The following DOCK7 variants were observed in gnomAD, a reference collection of about 807,000 sequenced individuals.
DOCK7 encodes the protein dedicator of cytokinesis 7.
In DOCK7, 138 loss-of-function variants were observed where a neutral mutation model predicts 271.0. The observed-to-expected ratio is 0.51, with a 90% confidence interval of 0.44 to 0.59. The LOEUF (loss-of-function observed/expected upper bound fraction) is 0.59. DOCK7 is among the 20% of genes least tolerant of loss of function. DOCK7 has a pLI of 0.00. For synonymous variants in DOCK7, 823 were observed against 876.1 expected, an observed-to-expected ratio of 0.94 and a Z score of 1.07; for missense variants, 2,066 against 2,592.4, an observed-to-expected ratio of 0.80 and a Z score of 4.41.
At chr1:62,670,798 G>A (rs796196207) in intron 1 of DOCK7, among the ~76,000 whole-genome samples, 5 of 152,248 alleles carry the variant, frequency 3.3e-5, no homozygotes, top group South Asian at 2.1e-4. Context: ...ATGTGGGTGG[G>A]GCCAGATAAG....
chr1:62,610,141 G>A (rs527266316), intron 14 of DOCK7, among the ~76,000 whole-genome samples: 21 of 152,176 alleles, frequency 1.4e-4, no homozygotes, highest in African/African-American at 4.3e-4. Context: ...GAGCCCCCGC[G>A]CCCAGCCGAC....
chr1:62,539,595 C>T lies in DOCK7; in HGVS notation c.3250G>A (p.Val1084Ile), dbSNP rs758986234. The change falls in exon 27 of 50, where the codon GTT (valine) becomes ATT (isoleucine). Residue 1084 changes from valine to isoleucine, a missense_variant. By Grantham distance (29) the Val-to-Ile change is conservative (BLOSUM62 3). Coordinates refer to ENST00000635253, the MANE Select transcript of DOCK7 (RefSeq NM_001367561.1). ...CTAAAAACAAATCCTCTGTCCATAA[C>T]AGACAACAGATCATTGAGAAAGAAT... ...LAFFLNDLLS[V>I]MDRGFVFSLI... 173 of 1,613,836 alleles carry T rather than the reference C, an allele frequency of 1.1e-4. No homozygotes were observed. Among genetic ancestry groups the T allele is most frequent in the Non-Finnish European group, 1.3e-4 (157 of 1,179,940 alleles).
intron 19 of DOCK7, among the ~76,000 whole-genome samples, 184 bp from the exon 20 acceptor site, chr1:62,559,404 C>T (rs1646249491): frequency 1.3e-5 from 2 of 151,898 alleles, no homozygotes; most frequent in South Asian, 4.2e-4. Context: ...ATGATCACTT[C>T]AAATACTATT....
At chr1:62,594,377 C>A (rs1648910537) in intron 14 of DOCK7, among the ~76,000 whole-genome samples, 1 of 142,804 alleles carries the variant, frequency 7.0e-6, no homozygotes, top group African/African-American at 2.7e-5. Context: ...AAGAATTATA[C>A]AGATATTTAT....
At chr1:62,487,366 T>C (rs772209492) in intron 43 of DOCK7, 32 bp downstream of exon 43, 2 of 1,600,098 alleles carry the variant, frequency 1.2e-6, no homozygotes, top group Middle Eastern at 1.7e-4. Context: ...ATCAATCTAT[T>C]AGTGTCTTTA....
chr1:62,622,862 G>A (rs144279829), intron 12 of DOCK7, among the ~76,000 whole-genome samples: 2,371 of 152,150 alleles, frequency 0.016, 64 homozygotes, highest in African/African-American at 0.054. Context: ...CCCAGGAGGC[G>A]GAGCTTACAG....
intron 37 of DOCK7, among the ~76,000 whole-genome samples, chr1:62,502,194 G>A (rs1203927274): frequency 6.6e-6 from 1 of 151,878 alleles, no homozygotes; most frequent in Non-Finnish European, 1.5e-5. Flanking sequence ...TTTGTAGAAT[G>A]AACTAATAAA....
At position 62,477,781 on chromosome 1, in the gene DOCK7, C is replaced by T. The variant is rs969249089; in HGVS notation, c.5553G>A (p.Lys1851=). Residue 1851 remains lysine (K), a synonymous_variant, in exon 44 of 50, where the codon AAG becomes AAA. Coordinates refer to ENST00000635253, the MANE Select transcript of DOCK7 (RefSeq NM_001367561.1). ...TYFRVGFYGT[K]FGDLDEQEFV... ...ATTCTTGTTCATCCAAATCCCCGAA[C>T]TTGGTTCCATAAAAACCAACACGAA... The T allele has an allele frequency of 8.7e-6, 14 of 1,611,516 alleles. No homozygotes were observed. Among genetic ancestry groups the T allele is most frequent in the Admixed American group, 1.7e-5 (1 of 59,082 alleles).
chr1:62,587,515 G>A (rs773284127), intron 14 of DOCK7, among the ~76,000 whole-genome samples: 2 of 151,970 alleles, frequency 1.3e-5, no homozygotes, highest in Non-Finnish European at 2.9e-5. Context: ...CTAACCTAAG[G>A]AGAAAACTGT....
intron 1 of DOCK7, among the ~76,000 whole-genome samples, chr1:62,675,915 A>C (rs533307160): frequency 1.3e-5 from 2 of 152,332 alleles, no homozygotes; most frequent in East Asian, 3.9e-4. Context: ...GCATATGGAG[A>C]AATTAGAACC....
chr1:62,632,659 T>C (rs1654766041), intron 10 of DOCK7, among the ~76,000 whole-genome samples: 1 of 152,294 alleles, frequency 6.6e-6, no homozygotes, highest in Middle Eastern at 3.4e-3. Flanking sequence ...CAACTTTTTT[T>C]TTGCTTTTAT....
intron 22 of DOCK7, among the ~76,000 whole-genome samples, chr1:62,545,378 A>G (rs1365125230): frequency 6.6e-6 from 1 of 152,160 alleles, no homozygotes; most frequent in African/African-American, 2.4e-5. Context: ...AGCAACAGGT[A>G]ATTTCCTCTG....
chr1:62,531,684 G>A (rs1283725375), intron 29 of DOCK7, among the ~76,000 whole-genome samples: 1 of 152,082 alleles, frequency 6.6e-6, no homozygotes, highest in Non-Finnish European at 1.5e-5. Context: ...TCTTGATTAC[G>A]TAGCAAGCAT....
At chr1:62,456,006 A>G (rs529829681) in intron 49 of DOCK7, among the ~76,000 whole-genome samples, 1 of 152,340 alleles carries the variant, frequency 6.6e-6, no homozygotes, top group Admixed American at 6.5e-5. Flanking sequence ...AATGATCTGC[A>G]AGAAGCTTTA....
intron 37 of DOCK7, among the ~76,000 whole-genome samples, chr1:62,500,595 T>C (rs1646753491): frequency 6.6e-6 from 1 of 152,070 alleles, no homozygotes; most frequent in Non-Finnish European, 1.5e-5. Context: ...CTAAGACAAA[T>C]ATTCTAGAAA....
At chr1:62,564,485 G>A (rs565676014) in intron 18 of DOCK7, among the ~76,000 whole-genome samples, 1 of 152,258 alleles carries the variant, frequency 6.6e-6, no homozygotes, top group East Asian at 1.9e-4. Context: ...GGCAGAAATA[G>A]ATGTTCCTTG....
At chr1:62,503,067 G>A (rs765660213) in intron 37 of DOCK7, among the ~76,000 whole-genome samples, 2 of 152,080 alleles carry the variant, frequency 1.3e-5, no homozygotes, top group East Asian at 1.9e-4. Flanking sequence ...AAACCAAGAC[G>A]AGTTCTTTTA....
chr1:62,624,389 G>A (rs959730299), intron 12 of DOCK7, among the ~76,000 whole-genome samples: 2 of 152,004 alleles, frequency 1.3e-5, no homozygotes, highest in Admixed American at 6.6e-5. Context: ...GACTGGCATT[G>A]GAAAAATACA....
At position 62,687,864 on chromosome 1, in the gene DOCK7, G is replaced by C. The variant is rs914220806; in HGVS notation, c.38+363C>G. Among the ~76,000 whole-genome samples the C allele has an allele frequency of 4.6e-4, 70 of 152,252 alleles. 1 individual carries two copies. Among genetic ancestry groups the C allele is most frequent in the African/African-American group, 1.7e-3 (69 of 41,582 alleles). On this transcript the variant is annotated intron_variant, in intron 1 of 49. Transcript: ENST00000635253. ...GAAACGCCGCGGCGGCCCCCGACGA[G>C]CCCGGGGGTGGGAACACAAAGAATT...
Sources: gnomAD v4.1 joint callset for allele counts (sites outside exome capture counted in the v4.1 genomes callset) on GRCh38, gnomAD v4.1.1 for gene constraint, MANE v1.5 for transcripts, NCBI Gene and HGNC (gene_info 2026-07-23, HGNC 2026-07-21) for gene names.